Variants in RGS7 observed in about 807,000 individuals in gnomAD.
The protein encoded by RGS7 is regulator of G protein signaling 7.
RGS7 carries 27 observed loss-of-function variants against 81.1 expected under a neutral mutation model. The observed-to-expected ratio is 0.33, with a 90% CI of 0.25 to 0.46. RGS7 has a LOEUF of 0.46. Among genes scored for constraint, RGS7 ranks in the 20% least tolerant of loss-of-function variants. The probability of loss-of-function intolerance (pLI) is 1.00; values close to 1 mark genes in which losing one functional copy is unlikely to be tolerated. For missense variants in RGS7, 396 were observed against 607.4 expected (o/e 0.65, Z 3.66); for synonymous variants, 208 against 207.7 (o/e 1.00, Z -0.01).
intron 2 of RGS7, among the ~76,000 whole-genome samples, chr1:241,100,941 C>A (rs1202791090): frequency 6.6e-6 from 1 of 152,214 alleles, no homozygotes; most frequent in Non-Finnish European, 1.5e-5. Context: ...ACTTATCAGA[C>A]AGAAGAGCTG....
At chr1:240,793,833 C>T (rs1045611045) in intron 18 of RGS7, among the ~76,000 whole-genome samples, 1 of 151,516 alleles carries the variant, frequency 6.6e-6, no homozygotes, top group Admixed American at 6.6e-5. Context: ...AGGATGGTCT[C>T]GATCTCCTGA....
At chr1:240,790,172 C>T (rs549820725) in intron 18 of RGS7, among the ~76,000 whole-genome samples, 2 of 152,118 alleles carry the variant, frequency 1.3e-5, no homozygotes, top group Admixed American at 6.5e-5. Flanking sequence ...GTGGAAGTTG[C>T]AGGGAGCCGA....
At chr1:240,869,499 T>C (rs1474998999) in intron 7 of RGS7, among the ~76,000 whole-genome samples, 3 of 152,236 alleles carry the variant, frequency 2.0e-5, no homozygotes, top group African/African-American at 4.8e-5. Context: ...AAGTCGATTT[T>C]AGAAAATAAG....
intron 10 of RGS7, among the ~76,000 whole-genome samples, chr1:240,822,142 C>T (rs1691911984): frequency 6.6e-6 from 1 of 152,186 alleles, no homozygotes; most frequent in African/African-American, 2.4e-5. Context: ...GGGTGGGCCT[C>T]ATCCAATCAG....
At chr1:241,131,545 T>C (rs1164214084) in intron 2 of RGS7, among the ~76,000 whole-genome samples, 1 of 152,058 alleles carries the variant, frequency 6.6e-6, no homozygotes, top group Admixed American at 6.6e-5. Context: ...CTGGTAAAAA[T>C]TGGTAGGTGT....
intron 11 of RGS7, among the ~76,000 whole-genome samples, chr1:240,815,883 A>G (rs1572221579): frequency 6.6e-6 from 1 of 152,264 alleles, no homozygotes; most frequent in African/African-American, 2.4e-5. Flanking sequence ...GAGAGAAATC[A>G]GCACTGCAGA....
chr1:241,021,599 GT>G (rs1462741169), intron 3 of RGS7, among the ~76,000 whole-genome samples: 2 of 152,122 alleles, frequency 1.3e-5, no homozygotes, highest in Admixed American at 6.5e-5. Context: ...CATGTGGACT[GT>G]TTTAAACTCC....
chr1:241,079,905 C>T (rs1311827913), intron 3 of RGS7, among the ~76,000 whole-genome samples: 4 of 151,934 alleles, frequency 2.6e-5, no homozygotes, highest in Non-Finnish European at 5.9e-5. Context: ...CACCAATGAA[C>T]AGAATTAAAC....
intron 2 of RGS7, among the ~76,000 whole-genome samples, chr1:241,116,251 TAAAC>T (rs1182493213): frequency 6.6e-6 from 1 of 152,170 alleles, no homozygotes; most frequent in African/African-American, 2.4e-5. Flanking sequence ...TGGAAAATCT[TAAAC>T]AGATACAAAA....
chr1:241,025,023 T>C (rs988581507), intron 3 of RGS7, among the ~76,000 whole-genome samples: 22 of 152,350 alleles, frequency 1.4e-4, no homozygotes, highest in Admixed American at 1.4e-3. Context: ...GAATTTGCCT[T>C]TGGGGCCAAT....
At chr1:241,066,631 C>T (rs1039510373) in intron 3 of RGS7, among the ~76,000 whole-genome samples, 2 of 152,020 alleles carry the variant, frequency 1.3e-5, no homozygotes, top group Non-Finnish European at 2.9e-5. Context: ...ATGAGCCCAA[C>T]TATTCACACT....
At chr1:241,256,538 C>T (rs2077058395) in intron 2 of RGS7, among the ~76,000 whole-genome samples, 1 of 152,074 alleles carries the variant, frequency 6.6e-6, no homozygotes, top group Non-Finnish European at 1.5e-5. Flanking sequence ...AACAAGAATA[C>T]CATAGACTGG....
intron 4 of RGS7, among the ~76,000 whole-genome samples, chr1:240,970,720 T>C (rs898699568): frequency 6.6e-6 from 1 of 152,132 alleles, no homozygotes; most frequent in African/African-American, 2.4e-5. Flanking sequence ...CAGAGTGGCT[T>C]ACACCTGTAA....
intron 18 of RGS7, among the ~76,000 whole-genome samples, 193 bp downstream of exon 18, chr1:240,800,448 C>G (rs945294601): frequency 6.6e-6 from 1 of 152,062 alleles, no homozygotes; most frequent in Non-Finnish European, 1.5e-5. Flanking sequence ...CACAAGGATC[C>G]TTGAAGGAAA....
intron 3 of RGS7, among the ~76,000 whole-genome samples, chr1:241,069,485 A>G (rs2062299413): frequency 6.6e-6 from 1 of 152,232 alleles, no homozygotes; most frequent in Non-Finnish European, 1.5e-5. Flanking sequence ...TCTTCCCTAT[A>G]TGTCAATAAA....
chr1:240,960,521 C>T (rs1430565423), intron 4 of RGS7, among the ~76,000 whole-genome samples: 8 of 146,546 alleles, frequency 5.5e-5, no homozygotes, highest in Non-Finnish European at 1.2e-4. Context: ...GGATTACAGG[C>T]GTGAGCCACT....
chr1:240,787,016 A>T (rs553153128), intron 18 of RGS7, among the ~76,000 whole-genome samples: 1 of 152,174 alleles, frequency 6.6e-6, no homozygotes, highest in Non-Finnish European at 1.5e-5. Context: ...GTCAAATTCT[A>T]TTCGACAAAA....
chr1:241,092,543 A>G (rs535333152), intron 3 of RGS7, among the ~76,000 whole-genome samples: 22 of 152,330 alleles, frequency 1.4e-4, no homozygotes, highest in Admixed American at 1.4e-3. Context: ...AAAATCTACA[A>G]ATATATTTTT....
intron 9 of RGS7, among the ~76,000 whole-genome samples, chr1:240,850,234 G>GTCCA (rs1202444298): frequency 6.6e-6 from 1 of 152,174 alleles, no homozygotes; most frequent in Non-Finnish European, 1.5e-5. Context: ...ACAACCCTGT[G>GTCCA]TCCAGCAAGT....
Sources: allele counts gnomAD v4.1 joint callset (sites outside exome capture counted in the v4.1 genomes callset), GRCh38; gene constraint gnomAD v4.1.1; transcripts MANE v1.5; gene names NCBI Gene and HGNC (gene_info 2026-07-23, HGNC 2026-07-21).